The following RTN1 variants were observed in gnomAD, a reference collection of about 807,000 sequenced individuals.
RTN1 encodes reticulon 1.
RTN1 carries 25 observed loss-of-function variants against 65.5 expected under a neutral mutation model. That is an observed-to-expected ratio of 0.38 (90% CI 0.28 to 0.53). The LOEUF is 0.53. RTN1 is among the 20% of genes least tolerant of loss of function. The pLI, the probability that RTN1 is intolerant of heterozygous loss-of-function variation, is 0.79. For synonymous variants in RTN1, 471 were observed against 447.6 expected, an observed-to-expected ratio of 1.05 and a Z score of -0.66; for missense variants, 983 against 1,025.4, an observed-to-expected ratio of 0.96 and a Z score of 0.57.
At chr14:59,706,938 T>C (rs1337490812) in intron 3 of RTN1, among the ~76,000 whole-genome samples, 1 of 152,120 alleles carries the variant, frequency 6.6e-6, no homozygotes, top group Admixed American at 6.5e-5. Context: ...CCTTGATGGG[T>C]TGAGGGTTGG....
At chr14:59,752,609 C>T (rs963775132) in intron 1 of RTN1, among the ~76,000 whole-genome samples, 4 of 152,132 alleles carry the variant, frequency 2.6e-5, no homozygotes, top group African/African-American at 9.7e-5. Flanking sequence ...GCTCATGTAG[C>T]ATGTATGACA....
intron 3 of RTN1, among the ~76,000 whole-genome samples, chr14:59,649,764 G>A (rs1882983778): frequency 6.6e-6 from 1 of 152,192 alleles, no homozygotes; most frequent in Admixed American, 6.5e-5. Flanking sequence ...ATGCTGGTGA[G>A]GATGTGGAGA....
intron 3 of RTN1, among the ~76,000 whole-genome samples, chr14:59,684,207 A>G (rs1026148727): frequency 6.6e-6 from 1 of 151,872 alleles, no homozygotes; most frequent in Non-Finnish European, 1.5e-5. Flanking sequence ...TAATTAAATG[A>G]TCTGTTTTGT....
At chr14:59,599,086 A>AT (rs1000127703) in intron 8 of RTN1, among the ~76,000 whole-genome samples, 28 of 152,256 alleles carry the variant, frequency 1.8e-4, no homozygotes, top group African/African-American at 6.3e-4. Flanking sequence ...ACTTGCATTG[A>AT]TTTTTTAAAG....
chr14:59,698,010 G>A (rs974460843), intron 3 of RTN1, among the ~76,000 whole-genome samples: 6 of 152,150 alleles, frequency 3.9e-5, no homozygotes, highest in African/African-American at 1.4e-4. Context: ...CAATGGTAAT[G>A]TAGTGTCTGG....
intron 4 of RTN1, chr14:59,605,925 T>G (rs1881731541): frequency 6.5e-6 from 1 of 153,614 alleles, no homozygotes; most frequent in Non-Finnish European, 1.4e-5. Context: ...TCATCAGATC[T>G]CTAAGAATTC....
intron 1 of RTN1, among the ~76,000 whole-genome samples, chr14:59,808,206 G>C (rs2139609227): frequency 6.6e-6 from 1 of 152,256 alleles, no homozygotes; most frequent in South Asian, 2.1e-4. Flanking sequence ...CTTCAGTGTG[G>C]AATGTGAAAC....
At chr14:59,694,420 T>A (rs1043478600) in intron 3 of RTN1, among the ~76,000 whole-genome samples, 3 of 152,186 alleles carry the variant, frequency 2.0e-5, no homozygotes, top group Admixed American at 6.5e-5. Flanking sequence ...CGTAAGTGTG[T>A]GTATGCACTT....
At chr14:59,804,947 T>C (rs1886610669) in intron 1 of RTN1, among the ~76,000 whole-genome samples, 1 of 152,230 alleles carries the variant, frequency 6.6e-6, no homozygotes, top group Admixed American at 6.5e-5. Flanking sequence ...CACAGTGACC[T>C]ACCCTCTTCC....
At chr14:59,756,073 T>C (rs1216888672) in intron 1 of RTN1, among the ~76,000 whole-genome samples, 1 of 152,210 alleles carries the variant, frequency 6.6e-6, no homozygotes, top group Non-Finnish European at 1.5e-5. Flanking sequence ...AAAATTCTCT[T>C]AAAGGAAAAA....
intron 1 of RTN1, among the ~76,000 whole-genome samples, chr14:59,804,144 T>C (rs191612471): frequency 6.6e-6 from 1 of 152,370 alleles, no homozygotes; most frequent in African/African-American, 2.4e-5. Context: ...TTAATTGTCA[T>C]GTCTCCTTAG....
intron 8 of RTN1, among the ~76,000 whole-genome samples, 199 bp from the exon 9 acceptor site, chr14:59,596,986 C>T (rs914247557): frequency 3.3e-5 from 5 of 151,872 alleles, no homozygotes; most frequent in African/African-American, 9.7e-5. Context: ...AAAATAACAG[C>T]AACAAAAAAG....
chr14:59,666,638 A>C (rs556799740), intron 3 of RTN1, among the ~76,000 whole-genome samples: 3 of 152,270 alleles, frequency 2.0e-5, no homozygotes, highest in African/African-American at 7.2e-5. Context: ...TTCAAAAAAA[A>C]TCAATGAATC....
At chr14:59,746,806 T>C (rs564113088) in intron 1 of RTN1, among the ~76,000 whole-genome samples, 2 of 152,258 alleles carry the variant, frequency 1.3e-5, no homozygotes, top group Middle Eastern at 6.8e-3. Flanking sequence ...TTGATCTTAG[T>C]ATTATTAAAA....
chr14:59,822,171 G>A (rs1886954901), intron 1 of RTN1, among the ~76,000 whole-genome samples: 1 of 152,072 alleles, frequency 6.6e-6, no homozygotes, highest in African/African-American at 2.4e-5. Context: ...GTTTTTTATT[G>A]TTGATTCAGT....
At chr14:59,762,162 C>T (rs1252257948) in intron 1 of RTN1, among the ~76,000 whole-genome samples, 1 of 152,048 alleles carries the variant, frequency 6.6e-6, no homozygotes, top group African/African-American at 2.4e-5. Context: ...ATGGTTACAG[C>T]ATTCCATCGT....
intron 2 of RTN1, among the ~76,000 whole-genome samples, chr14:59,732,806 G>C (rs1884926702): frequency 6.6e-6 from 1 of 152,196 alleles, no homozygotes; most frequent in Non-Finnish European, 1.5e-5. Flanking sequence ...AGAATCCAGG[G>C]AGCTGAGCAG....
Position 59,870,566 on chromosome 14 carries a change from A to G in RTN1, c.65T>C (p.Leu22Pro). 1 of 1,456,200 alleles carries G rather than the reference A, an allele frequency of 6.9e-7. No individual in the cohort carries two copies. The highest frequency in any genetic ancestry group is 9.0e-7 in the Non-Finnish European group (1 of 1,109,616). 90.2% of individuals were successfully genotyped at this position (1,456,200 alleles called of 1,614,324 possible). The part of the protein sequence containing the change: ...LPLAGPGSQW[L>P]RHRGEGENEA... ...GTTCTCCCCCTCCCCCCGGTGCCTG[A>G]GCCACTGGGACCCGGGGCCGGCCAG... The change falls in exon 1 of 9, where the codon CTC (leucine) becomes CCC (proline). Residue 22 changes from leucine (L) to proline (P), a missense_variant. Physicochemically the swap from Leu to Pro is moderately conservative, Grantham distance 98. Around this residue, in one of 2 missense-constraint regions of RTN1, gnomAD observed 818 missense variants for 801.8 expected, o/e 1.02. Coordinates refer to ENST00000267484, the MANE Select transcript of RTN1 (RefSeq NM_021136.3). This position sits in a 1 kb window ranked among gnomAD's most constrained non-coding sequence, Gnocchi z 5.1.
chr14:59,706,339 C>A (rs1884294333), intron 3 of RTN1, among the ~76,000 whole-genome samples: 2 of 152,168 alleles, frequency 1.3e-5, no homozygotes, highest in Non-Finnish European at 2.9e-5. Flanking sequence ...CTACATCCCT[C>A]ACTTTACATC....
Sources: gnomAD v4.1 joint callset for allele counts (sites outside exome capture counted in the v4.1 genomes callset) on GRCh38, gnomAD v4.1.1 for gene constraint, gnomAD v4.1.1 regional missense constraint, Gnocchi (gnomAD v3.1) non-coding constraint, MANE v1.5 for transcripts, NCBI Gene and HGNC (gene_info 2026-07-23, HGNC 2026-07-21) for gene names.